GJC1: variants seen among roughly 807,000 people sequenced by gnomAD.
The protein encoded by GJC1 is gap junction protein gamma 1, also known as gap junction gamma-1 protein.
In GJC1, 5 loss-of-function variants were observed where a neutral mutation model predicts 29.3. The ratio of observed to expected loss-of-function variants is 0.17; its 90% CI spans 0.09 to 0.36. The LOEUF is 0.36. GJC1 is among the 10% of genes least tolerant of loss of function. GJC1 has a pLI of 1.00. For missense variants in GJC1, 310 were observed against 496.2 expected, an observed-to-expected ratio of 0.62 and a Z score of 3.56; for synonymous variants, 177 against 183.3, an observed-to-expected ratio of 0.97 and a Z score of 0.28.
intron 1 of GJC1, among the ~76,000 whole-genome samples, chr17:44,820,553 T>C (rs958835155): frequency 3.3e-5 from 5 of 152,166 alleles, no homozygotes; most frequent in African/African-American, 1.2e-4. Flanking sequence ...TTAAACAATA[T>C]AACAAGATGT....
At chr17:44,826,920 A>G (rs909384778) in intron 1 of GJC1, among the ~76,000 whole-genome samples, 14 of 152,256 alleles carry the variant, frequency 9.2e-5, no homozygotes, top group Admixed American at 3.3e-4. Context: ...GCTGATATTA[A>G]CAGCTCAGAA....
At chr17:44,814,062 A>C (rs1349036377) in intron 1 of GJC1, among the ~76,000 whole-genome samples, 2 of 152,320 alleles carry the variant, frequency 1.3e-5, no homozygotes, top group African/African-American at 4.8e-5. Flanking sequence ...ATTTCTAAGC[A>C]GAATATGTCA....
rs908381468 is a variant in GJC1, at chr17:44,803,212, C to T, written c.*1415G>A. 1 of 152,110 alleles carries T rather than the reference C, an allele frequency of 6.6e-6. No homozygotes were observed. The highest frequency in any genetic ancestry group is 1.5e-5 in the Non-Finnish European group (1 of 68,030). 9.4% of individuals were successfully genotyped at this position (152,110 alleles called of 1,614,324 possible). A position where few individuals can be genotyped will look rare whatever the true frequency, so the allele number is the denominator to read the frequency against. On this transcript the variant is annotated 3_prime_UTR_variant, in exon 3 of 3. Coordinates refer to ENST00000592524, the MANE Select transcript of GJC1 (RefSeq NM_005497.4). ...CAGCTTTCATTAGAAAAGGGTGAGA[C>T]GCCCAAATAAAATGCTCCCTGGTGG...
Position 44,830,243 on chromosome 17 carries a change from G to A in GJC1, c.-278C>T, listed in dbSNP as rs1328192352. On this transcript the variant is annotated 5_prime_UTR_variant, in exon 1 of 3. Coordinates refer to ENST00000592524, the MANE Select transcript of GJC1 (RefSeq NM_005497.4). The surrounding 1 kb of genome is among the most constrained non-coding windows in gnomAD (Gnocchi z 4.3). ...AGAAGCCGCTCCCGCCGCTGCCGCC[G>A]CCGCCGCCGCCTCCCGCTCCCGCCG... The A allele has an allele frequency of 6.2e-6, 1 of 160,394 alleles. No homozygotes were observed. Among genetic ancestry groups the A allele is most frequent in the Non-Finnish European group, 1.3e-5 (1 of 75,586 alleles). The allele number at this position is 160,394 out of a possible 1,614,324, so 9.9% of individuals were successfully genotyped here.
chr17:44,824,391 T>G (rs1429760692), intron 1 of GJC1, among the ~76,000 whole-genome samples: 4 of 151,998 alleles, frequency 2.6e-5, no homozygotes, highest in African/African-American at 9.7e-5. Flanking sequence ...CTTCAACTTC[T>G]GGGCTCAAAA....
downstream of GJC1, among the ~76,000 whole-genome samples, chr17:44,797,286 T>G (rs2049789791): frequency 6.6e-6 from 1 of 152,198 alleles, no homozygotes; most frequent in Non-Finnish European, 1.5e-5. Context: ...TTTTGTATTT[T>G]TAGTAGAGAT....
At position 44,803,245 on chromosome 17, in the gene GJC1, TC is replaced by T. The variant is rs1231036365; in HGVS notation, c.*1381del. ...TAAAATGCTCCCTGGTGGAACAAAG[TC>T]CCCTTTAAACCTTTACCAAGCTCTT... On this transcript the variant is annotated 3_prime_UTR_variant, in exon 3 of 3. Coordinates refer to ENST00000592524, the MANE Select transcript of GJC1 (RefSeq NM_005497.4). 6.6e-6 allele frequency: 1 copy of T among 152,082 alleles called. No individual in the cohort carries two copies. The highest frequency in any genetic ancestry group is 2.4e-5 in the African/African-American group (1 of 41,426). The allele number at this position is 152,082 out of a possible 1,614,324, so 9.4% of individuals were successfully genotyped here. A position where few individuals can be genotyped will look rare whatever the true frequency, so the allele number is the denominator to read the frequency against.
rs151141535 is a variant in GJC1, at chr17:44,811,544, G to A, written c.-96-4075C>T. Among the ~76,000 whole-genome samples the A allele has an allele frequency of 2.4e-3, 371 of 151,990 alleles. 2 individuals are homozygous for A. The highest frequency in any genetic ancestry group is 8.2e-3 in the African/African-American group (341 of 41,464). ...TGAGACTACAGTTGCACGCCACCATGCCTGGCTAATTTTTGTATTTTTTGC... is the reference window on the plus strand; with the variant it reads ...TGAGACTACAGTTGCACGCCACCATACCTGGCTAATTTTTGTATTTTTTGC... On this transcript the variant is annotated intron_variant, in intron 1 of 2. Coordinates refer to ENST00000592524, the MANE Select transcript of GJC1 (RefSeq NM_005497.4).
chr17:44,822,888 G>A (rs1400794928), intron 1 of GJC1, among the ~76,000 whole-genome samples: 1 of 151,988 alleles, frequency 6.6e-6, no homozygotes, highest in Non-Finnish European at 1.5e-5. Context: ...TATGGTAACC[G>A]AAGCCACAGA....
intron 1 of GJC1, among the ~76,000 whole-genome samples, chr17:44,822,643 C>CAAAAAAAAAAA (rs11423012): frequency 1.2e-4 from 10 of 80,238 alleles, no homozygotes; most frequent in African/African-American, 5.0e-4. Context: ...AACTCCATCT[C>CAAAAAAAAAAA]AAAAAAAAAA....
At chr17:44,814,179 C>T (rs1380789239) in intron 1 of GJC1, among the ~76,000 whole-genome samples, 4 of 152,046 alleles carry the variant, frequency 2.6e-5, no homozygotes, top group East Asian at 1.9e-4. Flanking sequence ...CTTGCTCCGT[C>T]GCCCAGGCTG....
intron 1 of GJC1, among the ~76,000 whole-genome samples, chr17:44,828,005 A>C (rs1173737749): frequency 6.6e-6 from 1 of 152,258 alleles, no homozygotes; most frequent in Admixed American, 6.5e-5. Context: ...AGCATTTGTT[A>C]AGAGAACGAT....
At chr17:44,818,078 T>C (rs887386978) in intron 1 of GJC1, among the ~76,000 whole-genome samples, 3 of 151,990 alleles carry the variant, frequency 2.0e-5, no homozygotes, top group African/African-American at 4.8e-5. Flanking sequence ...CCAGGCGTGG[T>C]GGTGGGCACC....
At position 44,802,420 on chromosome 17, in the gene GJC1, G is replaced by A. The variant is rs2049860307; in HGVS notation, c.*2207C>T. 1 of 152,178 alleles carries A rather than the reference G, an allele frequency of 6.6e-6. No individual in the cohort carries two copies. The highest frequency in any genetic ancestry group is 2.4e-5 in the African/African-American group (1 of 41,450). The allele number at this position is 152,178 out of a possible 1,614,324, so 9.4% of individuals were successfully genotyped here. A position where few individuals can be genotyped will look rare whatever the true frequency, so the allele number is the denominator to read the frequency against. On this transcript the variant is annotated 3_prime_UTR_variant, in exon 3 of 3. Coordinates refer to ENST00000592524, the MANE Select transcript of GJC1 (RefSeq NM_005497.4). ...GCTCCAGTGATGTTAAGAATTAACT[G>A]GTAGTTCTTTATCTTAGCTAGGCTT...
chr17:44,827,857 C>A (rs2050193097), intron 1 of GJC1, among the ~76,000 whole-genome samples: 1 of 123,096 alleles, frequency 8.1e-6, no homozygotes, highest in African/African-American at 3.0e-5. Flanking sequence ...GAGCAAGACT[C>A]CATCTCAAAA....
At chr17:44,827,627 A>G (rs1400989059) in intron 1 of GJC1, among the ~76,000 whole-genome samples, 1 of 151,876 alleles carries the variant, frequency 6.6e-6, no homozygotes, top group Non-Finnish European at 1.5e-5. Flanking sequence ...GCATCATAGC[A>G]ATGTCTTTGA....
chr17:44,802,749 C>T lies in GJC1; in HGVS notation c.*1878G>A, dbSNP rs1160594895. 3 of 152,204 alleles carry T rather than the reference C, an allele frequency of 2.0e-5. No individual in the cohort carries two copies. Among genetic ancestry groups the T allele is most frequent in the Admixed American group, 1.3e-4 (2 of 15,278 alleles). The allele number at this position is 152,204 out of a possible 1,614,324, so 9.4% of individuals were successfully genotyped here. A position where few individuals can be genotyped will look rare whatever the true frequency, so the allele number is the denominator to read the frequency against. On this transcript the variant is annotated 3_prime_UTR_variant, in exon 3 of 3. Transcript: ENST00000592524. ...GTGGCTCACACCTATAATACTAACA[C>T]TTTGAGAGGCTGAGGCGGGAGGATC...
chr17:44,826,245 A>T (rs1375081318), intron 1 of GJC1, among the ~76,000 whole-genome samples: 3 of 152,106 alleles, frequency 2.0e-5, no homozygotes, highest in Non-Finnish European at 4.4e-5. Context: ...TTAGAAGTAA[A>T]ATGCTGGCCG....
chr17:44,800,118 C>T lies in GJC1; in HGVS notation c.*4509G>A, dbSNP rs1483765464. On this transcript the variant is annotated 3_prime_UTR_variant, in exon 3 of 3. Transcript: ENST00000592524. The stretch of plus-strand genomic sequence containing the variant: ...ACTGCATGCAGGGACTTTATTATTA[C>T]TATGAATTTTTTTTTGAGAGTTTCA... 6.6e-6 allele frequency: 1 copy of T among 152,018 alleles called. No homozygotes were observed. The highest frequency in any genetic ancestry group is 1.9e-4 in the East Asian group (1 of 5,196). 9.4% of individuals were successfully genotyped at this position (152,018 alleles called of 1,614,324 possible). A position where few individuals can be genotyped will look rare whatever the true frequency, so the allele number is the denominator to read the frequency against.
Sources: gnomAD v4.1 joint callset for allele counts (sites outside exome capture counted in the v4.1 genomes callset) on GRCh38, gnomAD v4.1.1 for gene constraint, Gnocchi (gnomAD v3.1) non-coding constraint, MANE v1.5 for transcripts, NCBI Gene and HGNC (gene_info 2026-07-23, HGNC 2026-07-21) for gene names.